AGK: variants seen among roughly 807,000 people sequenced by gnomAD.
AGK encodes acylglycerol kinase, also known as acylglycerol kinase, mitochondrial.
AGK carries 52 observed loss-of-function variants against 66.4 expected under a neutral mutation model. That is an observed-to-expected ratio of 0.78 (90% CI 0.63 to 0.99). The LOEUF is 0.99. Ranked by LOEUF, AGK falls within the 50% of genes least tolerant of loss-of-function variation. The probability of loss-of-function intolerance (pLI) is 0.00; values close to 1 mark genes in which losing one functional copy is unlikely to be tolerated. For synonymous variants in AGK, 182 were observed against 181.1 expected (o/e 1.00, Z -0.04); for missense variants, 451 against 506.6 (o/e 0.89, Z 1.05).
At chr7:141,592,329 ACT>A (rs1376340852) in intron 2 of AGK, among the ~76,000 whole-genome samples, 3 of 152,048 alleles carry the variant, frequency 2.0e-5, no homozygotes, top group Admixed American at 1.3e-4. Context: ...ACATTCCTTG[ACT>A]CTCTTCAGAG....
At chr7:141,637,508 G>A (rs1797199697) in intron 11 of AGK, among the ~76,000 whole-genome samples, 1 of 152,066 alleles carries the variant, frequency 6.6e-6, no homozygotes, top group African/African-American at 2.4e-5. Context: ...TCCATGATCA[G>A]AAAAAGTTTT....
At chr7:141,595,683 C>G (rs1796212047) in intron 3 of AGK, among the ~76,000 whole-genome samples, 1 of 152,074 alleles carries the variant, frequency 6.6e-6, no homozygotes, top group Admixed American at 6.5e-5. Flanking sequence ...CAATTTTTGC[C>G]CATTTTGGTA....
chr7:141,645,600 C>T (rs1021614830), intron 13 of AGK, among the ~76,000 whole-genome samples: 7 of 152,270 alleles, frequency 4.6e-5, no homozygotes, highest in Admixed American at 1.3e-4. Context: ...GAGTCCCCAT[C>T]GTCTTTCTTA....
chr7:141,567,116 C>A (rs1395011721), intron 2 of AGK, among the ~76,000 whole-genome samples: 2 of 152,022 alleles, frequency 1.3e-5, no homozygotes, highest in East Asian at 3.9e-4. Context: ...TATCTTCCTG[C>A]TTTGTTTGTG....
intron 2 of AGK, among the ~76,000 whole-genome samples, chr7:141,570,381 T>G (rs1246893909): frequency 6.6e-6 from 1 of 152,080 alleles, no homozygotes; most frequent in Admixed American, 6.5e-5. Context: ...AGTGAGACCC[T>G]GTCAAAAAAA....
intron 2 of AGK, among the ~76,000 whole-genome samples, chr7:141,557,184 A>C (rs1401216904): frequency 2.0e-5 from 3 of 152,232 alleles, no homozygotes; most frequent in African/African-American, 7.2e-5. Context: ...CCACTGTGAG[A>C]ATAACTTTAT....
chr7:141,596,528 C>G, intron 3 of AGK, 34 bp from the exon 4 acceptor site: 1 of 1,585,084 alleles, frequency 6.3e-7, no homozygotes, highest in Non-Finnish European at 8.7e-7. Flanking sequence ...AATAAATGGA[C>G]TTTTACTGAA....
chr7:141,634,287 C>T (rs934309194), intron 10 of AGK, among the ~76,000 whole-genome samples: 18 of 152,192 alleles, frequency 1.2e-4, no homozygotes, highest in African/African-American at 4.3e-4. Context: ...GTAGGGAGAA[C>T]TGGATTGCCT....
chr7:141,611,421 G>GC, intron 6 of AGK, 134 bp downstream of exon 6: 2 of 544,560 alleles, frequency 3.7e-6, no homozygotes, highest in Non-Finnish European at 6.1e-6. Flanking sequence ...GCTCTCTAAA[G>GC]CTAGTATAGC....
intron 1 of AGK, among the ~76,000 whole-genome samples, chr7:141,554,402 C>T (rs951088242): frequency 2.7e-5 from 4 of 150,472 alleles, no homozygotes; most frequent in South Asian, 2.1e-4. Flanking sequence ...AATTTATACT[C>T]ATGTTTGAAC....
In AGK at chr7:141,629,964, A is replaced by G. The variant is rs538593353; in HGVS notation, c.589-3937A>G. ...AGTTAACAACTCAGGAAAGCTGTAT[A>G]TTGTGCTTCCTCTTTTGGAAATGTG... On this transcript the variant is annotated intron_variant, in intron 9 of 15. Coordinates refer to ENST00000649286, the MANE Select transcript of AGK (RefSeq NM_018238.4). Among the ~76,000 whole-genome samples the G allele has an allele frequency of 7.2e-5, 11 of 152,322 alleles. No homozygotes were observed. In the South Asian group the frequency reaches 2.3e-3, roughly 32 times the overall value.
intron 2 of AGK, among the ~76,000 whole-genome samples, chr7:141,591,448 T>A (rs1587101355): frequency 6.6e-6 from 1 of 152,142 alleles, no homozygotes; most frequent in African/African-American, 2.4e-5. Flanking sequence ...GTGGATGGTG[T>A]TCTCTTAGTG....
At chr7:141,597,890 CAAAAAA>C (rs56295907) in intron 4 of AGK, among the ~76,000 whole-genome samples, 1 of 71,444 alleles carries the variant, frequency 1.4e-5, no homozygotes, top group African/African-American at 7.7e-5. Flanking sequence ...GACTCTGTCT[CAAAAAA>C]AAAAAAAAAA....
intron 5 of AGK, among the ~76,000 whole-genome samples, chr7:141,605,995 G>A (rs1369884132): frequency 6.6e-6 from 1 of 152,034 alleles, no homozygotes; most frequent in Non-Finnish European, 1.5e-5. Context: ...CAAATTACCT[G>A]GAAATGTTTA....
intron 2 of AGK, among the ~76,000 whole-genome samples, chr7:141,582,775 G>A (rs1231721627): frequency 6.6e-6 from 1 of 151,908 alleles, no homozygotes; most frequent in Non-Finnish European, 1.5e-5. Context: ...GAACGAAACT[G>A]TAAGCCAGAC....
chr7:141,570,715 A>G (rs1795585580), intron 2 of AGK, among the ~76,000 whole-genome samples: 1 of 151,848 alleles, frequency 6.6e-6, no homozygotes, highest in African/African-American at 2.4e-5. Flanking sequence ...ACCTTACTCC[A>G]ATAGGAAGGG....
chr7:141,611,734 A>G (rs1366115713), intron 6 of AGK, among the ~76,000 whole-genome samples: 1 of 152,258 alleles, frequency 6.6e-6, no homozygotes, highest in African/African-American at 2.4e-5. Context: ...AGGAAGAGGT[A>G]TACATGTTAA....
chr7:141,614,174 A>G lies in AGK; in HGVS notation c.419A>G (p.Asp140Gly). Residue 140 changes from aspartate (D) to glycine (G), a missense_variant, in exon 7 of 16, where the codon GAT (aspartate) becomes GGT (glycine). Transcript: ENST00000649286. Reference sequence around the variant, plus strand: ...GTTACTGGTGTTCTTCGACGAACAGATGAGGTGAGCATTAAAGAGTAATTG... The same window carrying G: ...GTTACTGGTGTTCTTCGACGAACAGGTGAGGTGAGCATTAAAGAGTAATTG... Reference protein sequence around the residue: ...EVVTGVLRRTDEATFSKIPIG... With the variant: ...EVVTGVLRRTGEATFSKIPIG... 3.9e-6 allele frequency: 6 copies of G among 1,537,300 alleles called. No individual in the cohort carries two copies. The highest frequency in any genetic ancestry group is 5.3e-6 in the Non-Finnish European group (6 of 1,131,870).
chr7:141,579,121 A>G (rs1795822368), intron 2 of AGK, among the ~76,000 whole-genome samples: 2 of 152,062 alleles, frequency 1.3e-5, no homozygotes, highest in Non-Finnish European at 2.9e-5. Flanking sequence ...GGGCCTAATA[A>G]AAAGGAGCAT....
Sources: gnomAD v4.1 joint callset for allele counts (sites outside exome capture counted in the v4.1 genomes callset) on GRCh38, gnomAD v4.1.1 for gene constraint, MANE v1.5 for transcripts, NCBI Gene and HGNC (gene_info 2026-07-23, HGNC 2026-07-21) for gene names.